The following AGTPBP1 variants were observed in gnomAD, a reference collection of about 807,000 sequenced individuals.
AGTPBP1 encodes the protein ATP/GTP binding carboxypeptidase 1, also known as cytosolic carboxypeptidase 1.
A neutral mutation model predicts 143.9 loss-of-function variants in AGTPBP1; 70 were observed. That is an observed-to-expected ratio of 0.49 (90% CI 0.40 to 0.59). The LOEUF (loss-of-function observed/expected upper bound fraction) is 0.59. Among genes scored for constraint, AGTPBP1 ranks in the 20% least tolerant of loss-of-function variants. The pLI, the probability that AGTPBP1 is intolerant of heterozygous loss-of-function variation, is 0.00. For synonymous variants in AGTPBP1, 463 were observed against 500.2 expected (o/e 0.93, Z 0.99); for missense variants, 1,229 against 1,464.5 (o/e 0.84, Z 2.62).
rs55882437 is a variant in AGTPBP1, at chr9:85,572,004, G to GTTTTTTTTTTTT, written c.3503+3299_3503+3310dup. 7.8e-4 allele frequency among the ~76,000 whole-genome samples: 34 copies of GTTTTTTTTTTTT among 43,476 alleles called. 5 individuals are homozygous for GTTTTTTTTTTTT. Among genetic ancestry groups the GTTTTTTTTTTTT allele is most frequent in the South Asian group, 1.2e-3 (1 of 810 alleles). 28.5% of individuals were successfully genotyped at this position (43,476 alleles called of 152,430 possible). On this transcript the variant is annotated intron_variant, in intron 25 of 25. Coordinates refer to ENST00000357081, the MANE Select transcript of AGTPBP1 (RefSeq NM_001330701.2). The stretch of plus-strand genomic sequence containing the variant: ...TGGCCATTATTAGTTGTTTGTGTGT[G>GTTTTTTTTTTTT]TTTTTTTTTTTTTTTTTTTTTTTTT...
chr9:85,715,779 G>A (rs1429016580), intron 1 of AGTPBP1, among the ~76,000 whole-genome samples: 1 of 152,148 alleles, frequency 6.6e-6, no homozygotes, highest in Non-Finnish European at 1.5e-5. Flanking sequence ...GAAAGTGCAG[G>A]CACCTAGAAG....
At chr9:85,698,282 T>C (rs530479380) in intron 2 of AGTPBP1, among the ~76,000 whole-genome samples, 5 of 152,346 alleles carry the variant, frequency 3.3e-5, no homozygotes, top group Admixed American at 6.5e-5. Context: ...TTCATCTTAG[T>C]GATTCCTTTG....
intron 1 of AGTPBP1, among the ~76,000 whole-genome samples, chr9:85,739,537 C>T (rs185745392): frequency 6.6e-6 from 1 of 151,510 alleles, no homozygotes; most frequent in East Asian, 1.9e-4. Context: ...GGTGAAACCC[C>T]GTCTCTACTA....
intron 10 of AGTPBP1, among the ~76,000 whole-genome samples, chr9:85,655,813 T>C (rs1833466737): frequency 6.6e-6 from 1 of 152,006 alleles, no homozygotes; most frequent in African/African-American, 2.4e-5. Flanking sequence ...TATCACAATA[T>C]AAAGGTTTTT....
At chr9:85,726,864 G>C (rs975847224) in intron 1 of AGTPBP1, among the ~76,000 whole-genome samples, 7 of 152,036 alleles carry the variant, frequency 4.6e-5, no homozygotes, top group African/African-American at 1.7e-4. Context: ...CCCAGAAAAG[G>C]GAAAGTCACA....
At position 85,586,928 on chromosome 9, in the gene AGTPBP1, T is replaced by G; in HGVS notation, c.2936A>C (p.Asn979Thr). Residue 979 changes from asparagine (N) to threonine (T), a missense_variant, in exon 22 of 26, where the codon AAT becomes ACT. Coordinates refer to ENST00000357081, the MANE Select transcript of AGTPBP1 (RefSeq NM_001330701.2). ...HRCSLSGEDL[N>T]RQWQSPSPDL... ...CGGACTTGGACTTTGCCACTGCCTA[T>G]TCAAATCCTCTCCACTTAAAGAACA... 6.2e-7 allele frequency: 1 copy of G among 1,614,020 alleles called. No homozygotes were observed. The highest frequency in any genetic ancestry group is 8.5e-7 in the Non-Finnish European group (1 of 1,179,938).
chr9:85,701,403 T>C (rs1005549975), intron 2 of AGTPBP1, among the ~76,000 whole-genome samples: 3 of 150,514 alleles, frequency 2.0e-5, no homozygotes, highest in African/African-American at 7.4e-5. Context: ...CTAATTTTTG[T>C]ATTTCTAGTA....
the AGTPBP1 span, among the ~76,000 whole-genome samples, chr9:85,748,772 GT>G: frequency 6.6e-6 from 1 of 152,084 alleles, no homozygotes; most frequent in Non-Finnish European, 1.5e-5. Flanking sequence ...AGTCTGTTTT[GT>G]TTTAGCTCTT....
At chr9:85,740,612 G>T (rs1482514999) in intron 1 of AGTPBP1, among the ~76,000 whole-genome samples, 1 of 152,144 alleles carries the variant, frequency 6.6e-6, no homozygotes, top group Non-Finnish European at 1.5e-5. Flanking sequence ...TAACTTTCCG[G>T]TTTTCTCAGA....
chr9:85,792,883 CTGTT>C, the AGTPBP1 span, among the ~76,000 whole-genome samples: 246 of 152,272 alleles, frequency 1.6e-3, no homozygotes, highest in African/African-American at 5.7e-3. Flanking sequence ...AATGGGATAA[CTGTT>C]TGGCACACAT....
intron 3 of AGTPBP1, among the ~76,000 whole-genome samples, chr9:85,690,646 T>C (rs12342916): frequency 1.3e-5 from 2 of 148,328 alleles, no homozygotes; most frequent in Non-Finnish European, 3.0e-5. Flanking sequence ...GTCAGGAGTA[T>C]TTTCAGTGGT....
Position 85,562,791 on chromosome 9 carries a change from T to C in AGTPBP1, c.3503+12524A>G, listed in dbSNP as rs561775128. ...CACAGTATTGTAAAGAGTAATTATATAATATCTGAAATTGGGCGAATATTT... is the reference window on the plus strand; with the variant it reads ...CACAGTATTGTAAAGAGTAATTATACAATATCTGAAATTGGGCGAATATTT... On this transcript the variant is annotated intron_variant, in intron 25 of 25. Coordinates refer to ENST00000357081, the MANE Select transcript of AGTPBP1 (RefSeq NM_001330701.2). 2.0e-5 allele frequency among the ~76,000 whole-genome samples: 3 copies of C among 152,338 alleles called. No homozygotes were observed. In the South Asian group the frequency reaches 6.2e-4, roughly 32 times the overall value.
intron 1 of AGTPBP1, among the ~76,000 whole-genome samples, chr9:85,715,127 A>T (rs1837622313): frequency 6.6e-6 from 1 of 151,996 alleles, no homozygotes; most frequent in Non-Finnish European, 1.5e-5. Context: ...CAAGCCTGTA[A>T]TCCCAGCTAC....
chr9:85,728,916 G>A (rs2134712343), intron 1 of AGTPBP1, among the ~76,000 whole-genome samples: 1 of 152,156 alleles, frequency 6.6e-6, no homozygotes, highest in South Asian at 2.1e-4. Context: ...TATATTAGGT[G>A]CAAAAGTAAT....
At chr9:85,592,430 C>A in intron 19 of AGTPBP1, 130 bp downstream of exon 19, 1 of 597,566 alleles carries the variant, frequency 1.7e-6, no homozygotes, top group Admixed American at 4.0e-5. Context: ...GTATAATTAT[C>A]CTTATGTTAG....
At chr9:85,610,294 T>C (rs1830237731) in intron 17 of AGTPBP1, among the ~76,000 whole-genome samples, 1 of 151,550 alleles carries the variant, frequency 6.6e-6, no homozygotes, top group Non-Finnish European at 1.5e-5. Context: ...GCAAATCCCT[T>C]CCAAGTAATG....
chr9:85,793,093 C>G, the AGTPBP1 span, among the ~76,000 whole-genome samples: 8,183 of 151,986 alleles, frequency 0.054, 725 homozygotes, highest in African/African-American at 0.18. Context: ...ATTTTTATAG[C>G]CATAGAAGTG....
Position 85,718,852 on chromosome 9 carries a change from G to C in AGTPBP1, c.-33-6286C>G, listed in dbSNP as rs12342444. On this transcript the variant is annotated intron_variant, in intron 1 of 25. Transcript: ENST00000357081. ...TCGTGAGTTAATTTTTGTATAAGGG[G>C]TAAGGAAGGGATCCAGTTTCAGCTT... 5.4e-3 allele frequency among the ~76,000 whole-genome samples: 827 copies of C among 152,240 alleles called. 5 individuals carry two copies. Among genetic ancestry groups the C allele is most frequent in the African/African-American group, 0.019 (775 of 41,544 alleles).
At chr9:85,585,639 T>A in intron 22 of AGTPBP1, 45 bp from the exon 23 acceptor site, 6 of 1,477,292 alleles carry the variant, frequency 4.1e-6, no homozygotes, top group African/African-American at 1.4e-5. Flanking sequence ...CAAGTTCATA[T>A]GTTGCTAAGT....
Sources: gnomAD v4.1 joint callset for allele counts (sites outside exome capture counted in the v4.1 genomes callset) on GRCh38, gnomAD v4.1.1 for gene constraint, MANE v1.5 for transcripts, NCBI Gene and HGNC (gene_info 2026-07-23, HGNC 2026-07-21) for gene names.